Variants in LASP1 observed in about 807,000 individuals in gnomAD.
LASP1 encodes LIM and SH3 domain protein 1.
A neutral mutation model predicts 38.6 loss-of-function variants in LASP1; 10 were observed. The observed-to-expected ratio is 0.26, with a 90% CI of 0.16 to 0.44. The LOEUF (loss-of-function observed/expected upper bound fraction) is 0.44, where lower values mean the gene tolerates loss of function less well. Among genes scored for constraint, LASP1 ranks in the 20% least tolerant of loss-of-function variants. The probability of loss-of-function intolerance (pLI) is 1.00; values close to 1 mark genes in which losing one functional copy is unlikely to be tolerated. For synonymous variants in LASP1, 132 were observed against 140.8 expected (o/e 0.94, Z 0.44); for missense variants, 243 against 375.7 (o/e 0.65, Z 2.92).
intron 4 of LASP1, among the ~76,000 whole-genome samples, chr17:38,910,749 GTC>G: frequency 4.5e-5 from 1 of 22,080 alleles, no homozygotes; most frequent in East Asian, 8.3e-4. Context: ...TTTAAACAGA[GTC>G]TCAGTCTGTT....
At chr17:38,907,416 C>T (rs191192488) in intron 4 of LASP1, among the ~76,000 whole-genome samples, 1 of 152,270 alleles carries the variant, frequency 6.6e-6, no homozygotes, top group Admixed American at 6.5e-5. Context: ...CCCTGCTCCA[C>T]ACCTGTTCTC....
intron 3 of LASP1, among the ~76,000 whole-genome samples, chr17:38,893,102 T>C (rs1914388788): frequency 6.6e-6 from 1 of 152,218 alleles, no homozygotes; most frequent in Non-Finnish European, 1.5e-5. Flanking sequence ...ATTATCCCCA[T>C]CATACAGATA....
At chr17:38,910,010 A>G (rs1914889164) in intron 4 of LASP1, among the ~76,000 whole-genome samples, 1 of 152,188 alleles carries the variant, frequency 6.6e-6, no homozygotes, top group African/African-American at 2.4e-5. Context: ...GACCTCCCAA[A>G]GTGCTGGGAT....
In LASP1 at chr17:38,920,040, C is replaced by G. The variant is rs1455463090; in HGVS notation, c.*1262C>G. ...GGGGCAGAGAAGTTCCTTAGGTTTTCTTTGGAATGAAATTCCTCCTTCCCC... is the reference window on the plus strand; with the variant it reads ...GGGGCAGAGAAGTTCCTTAGGTTTTGTTTGGAATGAAATTCCTCCTTCCCC... On this transcript the variant is annotated 3_prime_UTR_variant, in exon 7 of 7. Transcript: ENST00000318008. 4 of 536,190 alleles carry G rather than the reference C, an allele frequency of 7.5e-6. No individual in the cohort carries two copies. Among genetic ancestry groups the G allele is most frequent in the Admixed American group, 2.2e-5 (1 of 45,050 alleles). The allele number at this position is 536,190 out of a possible 1,614,324, so 33.2% of individuals were successfully genotyped here. A position where few individuals can be genotyped will look rare whatever the true frequency, so the allele number is the denominator to read the frequency against.
At chr17:38,915,246 C>G in intron 6 of LASP1, 100 bp downstream of exon 6, 2 of 928,180 alleles carry the variant, frequency 2.2e-6, no homozygotes, top group Non-Finnish European at 3.4e-6. Flanking sequence ...CACCCACCCT[C>G]TGTTGTGTGT....
intron 3 of LASP1, among the ~76,000 whole-genome samples, chr17:38,893,031 G>T (rs1047110769): frequency 2.0e-5 from 3 of 152,236 alleles, no homozygotes; most frequent in Non-Finnish European, 4.4e-5. Context: ...ATGCACGCAT[G>T]TATGCGTGTA....
At chr17:38,882,301 G>C (rs1353824333) in intron 2 of LASP1, among the ~76,000 whole-genome samples, 1 of 152,204 alleles carries the variant, frequency 6.6e-6, no homozygotes, top group East Asian at 1.9e-4. Flanking sequence ...AGGCTGGAGT[G>C]CAGTGGTGCG....
intron 1 of LASP1, among the ~76,000 whole-genome samples, chr17:38,877,596 C>G (rs1452995274): frequency 1.3e-5 from 2 of 152,140 alleles, no homozygotes; most frequent in African/African-American, 4.8e-5. Context: ...GGTACAGGAG[C>G]TAGGAGCACC....
At chr17:38,886,982 C>G (rs995146043) in intron 2 of LASP1, among the ~76,000 whole-genome samples, 4 of 152,188 alleles carry the variant, frequency 2.6e-5, no homozygotes, top group African/African-American at 9.7e-5. Context: ...AATCTGCCCT[C>G]CTTGGCCTCC....
chr17:38,876,804 G>T (rs908157917), intron 1 of LASP1, among the ~76,000 whole-genome samples: 5 of 150,606 alleles, frequency 3.3e-5, no homozygotes, highest in African/African-American at 1.2e-4. Context: ...CTGGGTTCAC[G>T]CCATTCTCCT....
At chr17:38,902,402 AG>A (rs1373975660) in intron 4 of LASP1, among the ~76,000 whole-genome samples, 1 of 128,678 alleles carries the variant, frequency 7.8e-6, no homozygotes, top group African/African-American at 2.9e-5. Context: ...TTTTAATCAG[AG>A]ACAGGGTCTC....
intron 2 of LASP1, among the ~76,000 whole-genome samples, chr17:38,888,512 A>T (rs1914212620): frequency 6.6e-6 from 1 of 152,178 alleles, no homozygotes; most frequent in Admixed American, 6.5e-5. Flanking sequence ...TCCTGGCCTC[A>T]AGTGATCCAC....
chr17:38,910,577 A>C (rs146881924), intron 4 of LASP1, among the ~76,000 whole-genome samples: 90 of 151,812 alleles, frequency 5.9e-4, no homozygotes, highest in African/African-American at 2.1e-3. Flanking sequence ...ACCCGTTCTC[A>C]GACTTGAAGC....
At chr17:38,878,410 T>A (rs1187205858) in intron 2 of LASP1, among the ~76,000 whole-genome samples, 1 of 152,100 alleles carries the variant, frequency 6.6e-6, no homozygotes, top group Non-Finnish European at 1.5e-5. Context: ...ATGAGGAAAC[T>A]GGGGCTTAGG....
chr17:38,901,185 T>C lies in LASP1; in HGVS notation c.357+2666T>C, dbSNP rs78846961. ...GAGGGGAGACAAGCCCAGTCATCCC[T>C]GCTTCCCTTTCTGGAAGGCTTCCAG... On this transcript the variant is annotated intron_variant, in intron 4 of 6. Coordinates refer to ENST00000318008, the MANE Select transcript of LASP1 (RefSeq NM_006148.4). 7.9e-5 allele frequency among the ~76,000 whole-genome samples: 12 copies of C among 152,342 alleles called. No individual in the cohort carries two copies. The East Asian group carries it at 2.3e-3, about 29-fold the overall frequency.
intron 4 of LASP1, among the ~76,000 whole-genome samples, chr17:38,910,018 G>A (rs1287460839): frequency 6.6e-6 from 1 of 152,174 alleles, no homozygotes; most frequent in East Asian, 1.9e-4. Flanking sequence ...AAAGTGCTGG[G>A]ATTAAAGGTG....
At chr17:38,894,635 T>A (rs1598112387) in intron 3 of LASP1, among the ~76,000 whole-genome samples, 1 of 152,198 alleles carries the variant, frequency 6.6e-6, no homozygotes, top group Non-Finnish European at 1.5e-5. Context: ...AACTTGGACA[T>A]GAAGAAGCTG....
intron 4 of LASP1, 141 bp downstream of exon 4, chr17:38,898,660 A>G: frequency 1.4e-6 from 1 of 706,442 alleles, no homozygotes; most frequent in Non-Finnish European, 2.6e-6. Flanking sequence ...GGCCTGGGGA[A>G]GAGCTTGGGG....
At chr17:38,880,750 GC>G (rs1220462032) in intron 2 of LASP1, among the ~76,000 whole-genome samples, 1 of 152,192 alleles carries the variant, frequency 6.6e-6, no homozygotes, top group Non-Finnish European at 1.5e-5. Context: ...CAGGTGTGGC[GC>G]CCGCTTGCAA....
Sources: allele counts gnomAD v4.1 joint callset (sites outside exome capture counted in the v4.1 genomes callset), GRCh38; gene constraint gnomAD v4.1.1; transcripts MANE v1.5; gene names NCBI Gene and HGNC (gene_info 2026-07-23, HGNC 2026-07-21).